Variants in KDM4C observed in about 807,000 individuals in gnomAD.
KDM4C encodes the protein lysine-specific demethylase 4C.
KDM4C carries 81 observed loss-of-function variants against 129.3 expected under a neutral mutation model. The ratio of observed to expected loss-of-function variants is 0.63; its 90% CI spans 0.52 to 0.75. The LOEUF is 0.75. Among genes scored for constraint, KDM4C ranks in the 30% least tolerant of loss-of-function variants. The probability of loss-of-function intolerance (pLI) is 0.00; values close to 1 mark genes in which losing one functional copy is unlikely to be tolerated. For missense variants in KDM4C, 1,457 were observed against 1,304.0 expected, an observed-to-expected ratio of 1.12 and a Z score of -1.81; for synonymous variants, 573 against 456.1, an observed-to-expected ratio of 1.26 and a Z score of -3.26.
At position 7,037,273 on chromosome 9, in the gene KDM4C, G is replaced by A. The variant is rs547991647; in HGVS notation, c.2260-9589G>A. Among the ~76,000 whole-genome samples, 13 of 152,276 alleles carry A rather than the reference G, an allele frequency of 8.5e-5. No homozygotes were observed. The South Asian group carries it at 2.5e-3, about 29-fold the overall frequency. The stretch of plus-strand genomic sequence containing the variant: ...TTATTTTTCTATGACACTGAAAATT[G>A]GCTTTAGTGGCACTTATGGATATGC... On this transcript the variant is annotated intron_variant, in intron 15 of 21. Transcript: ENST00000381309.
intron 18 of KDM4C, 88 bp downstream of exon 18, chr9:7,103,958 T>C: frequency 1.7e-6 from 2 of 1,160,344 alleles, no homozygotes; most frequent in South Asian, 1.4e-5. Context: ...ATGTGCTTTA[T>C]TCTGTAATAT....
intron 1 of KDM4C, among the ~76,000 whole-genome samples, chr9:6,738,338 T>C (rs1817592310): frequency 6.6e-6 from 1 of 151,876 alleles, no homozygotes; most frequent in African/African-American, 2.4e-5. Flanking sequence ...TAGAAGGGCA[T>C]GGTGGCACAT....
intron 19 of KDM4C, among the ~76,000 whole-genome samples, chr9:7,135,605 A>ATGT (rs75516181): frequency 0.23 from 34,189 of 151,930 alleles, 4,140 homozygotes; most frequent in African/African-American, 0.33. Flanking sequence ...GTTCTGAGCT[A>ATGT]TGTGTTGAAC....
intron 1 of KDM4C, among the ~76,000 whole-genome samples, chr9:6,792,652 G>T (rs1475094886): frequency 6.6e-6 from 1 of 152,118 alleles, no homozygotes; most frequent in Admixed American, 6.6e-5. Context: ...CCCCCAAAGT[G>T]CTGAGATTAC....
intron 15 of KDM4C, among the ~76,000 whole-genome samples, chr9:7,019,036 G>T (rs1337568189): frequency 6.6e-6 from 1 of 152,022 alleles, no homozygotes; most frequent in African/African-American, 2.4e-5. Context: ...TGTTTTTTCA[G>T]CGTATCCATT....
intron 4 of KDM4C, among the ~76,000 whole-genome samples, chr9:6,843,034 A>G (rs1027775722): frequency 6.6e-6 from 1 of 152,110 alleles, no homozygotes; most frequent in Non-Finnish European, 1.5e-5. Flanking sequence ...GGTTCAAGTG[A>G]TTCTCGTGCC....
chr9:7,012,427 C>T (rs898154793), intron 13 of KDM4C, among the ~76,000 whole-genome samples: 2 of 152,100 alleles, frequency 1.3e-5, no homozygotes, highest in Non-Finnish European at 2.9e-5. Flanking sequence ...GAACTTAAAG[C>T]TTACAAATAG....
chr9:6,957,606 G>C (rs1366019016), intron 8 of KDM4C, among the ~76,000 whole-genome samples: 2 of 152,190 alleles, frequency 1.3e-5, no homozygotes, highest in Non-Finnish European at 2.9e-5. Context: ...ATCAAACGTG[G>C]AGGCTGCTGT....
At chr9:6,794,609 C>G (rs759389347) in intron 2 of KDM4C, among the ~76,000 whole-genome samples, 3 of 152,146 alleles carry the variant, frequency 2.0e-5, no homozygotes, top group Non-Finnish European at 4.4e-5. Context: ...AGCACCTTGT[C>G]TGGGATAGTT....
chr9:6,883,512 A>G (rs890624491), intron 6 of KDM4C, among the ~76,000 whole-genome samples: 4 of 152,214 alleles, frequency 2.6e-5, no homozygotes, highest in East Asian at 1.9e-4. Context: ...CAGTGATATC[A>G]CTGTCTGTAT....
intron 1 of KDM4C, among the ~76,000 whole-genome samples, chr9:6,730,032 C>T (rs979376043): frequency 2.2e-5 from 2 of 89,186 alleles, no homozygotes; most frequent in Non-Finnish European, 4.1e-5. Flanking sequence ...ATCGCTTGAA[C>T]CCAGGAAATG....
intron 10 of KDM4C, among the ~76,000 whole-genome samples, chr9:6,985,261 C>G (rs1022199311): frequency 6.6e-6 from 1 of 152,204 alleles, no homozygotes; most frequent in Admixed American, 6.5e-5. Context: ...CTACCTTCTT[C>G]TTAGTATTAT....
At chr9:6,790,963 C>T (rs989899405) in intron 1 of KDM4C, among the ~76,000 whole-genome samples, 5 of 152,174 alleles carry the variant, frequency 3.3e-5, no homozygotes, top group African/African-American at 1.2e-4. Flanking sequence ...TTTCTATGCT[C>T]CAGACACATT....
intron 8 of KDM4C, among the ~76,000 whole-genome samples, chr9:6,975,605 A>G (rs1398321318): frequency 1.3e-5 from 2 of 152,062 alleles, no homozygotes; most frequent in African/African-American, 2.4e-5. Flanking sequence ...TTTTTAAGGG[A>G]CTCTTATTCT....
intron 4 of KDM4C, among the ~76,000 whole-genome samples, chr9:6,823,726 C>G (rs1025329335): frequency 6.6e-6 from 1 of 152,198 alleles, no homozygotes; most frequent in African/African-American, 2.4e-5. Flanking sequence ...AGGAATTTCT[C>G]TAGTTTTTCA....
intron 18 of KDM4C, among the ~76,000 whole-genome samples, chr9:7,107,775 T>A (rs190973679): frequency 3.3e-5 from 5 of 152,352 alleles, no homozygotes; most frequent in Non-Finnish European, 5.9e-5. Flanking sequence ...AAACGCTGTA[T>A]TGGTTAATTT....
intron 8 of KDM4C, among the ~76,000 whole-genome samples, chr9:6,913,845 T>C (rs1819792041): frequency 6.6e-6 from 1 of 152,236 alleles, no homozygotes; most frequent in African/African-American, 2.4e-5. Context: ...GAGTTTCTGA[T>C]AGTTTATGCG....
At chr9:6,814,969 A>T in intron 4 of KDM4C, 2 of 365,658 alleles carry the variant, frequency 5.5e-6, no homozygotes, top group Non-Finnish European at 4.9e-6. Flanking sequence ...GTAACATGGT[A>T]TGTGGTTATC....
rs1054706800 is a variant in KDM4C, at chr9:6,925,632, C to T, written c.921+32400C>T. 1.8e-5 allele frequency: 18 copies of T among 985,414 alleles called. No individual in the cohort carries two copies. In the South Asian group the frequency reaches 6.6e-4, roughly 36 times the overall value. The allele number at this position is 985,414 out of a possible 1,614,324, so 61.0% of individuals were successfully genotyped here. A position where few individuals can be genotyped will look rare whatever the true frequency, so the allele number is the denominator to read the frequency against. ...AAAACCGTCTTGGCTTGTTTACCATCAGCCCTTCACCGTTTCAGAAAGATG... is the reference window on the plus strand; with the variant it reads ...AAAACCGTCTTGGCTTGTTTACCATTAGCCCTTCACCGTTTCAGAAAGATG... On this transcript the variant is annotated intron_variant, in intron 8 of 21. Coordinates refer to ENST00000381309, the MANE Select transcript of KDM4C (RefSeq NM_015061.6).
Sources: allele counts gnomAD v4.1 joint callset (sites outside exome capture counted in the v4.1 genomes callset), GRCh38; gene constraint gnomAD v4.1.1; transcripts MANE v1.5; gene names NCBI Gene and HGNC (gene_info 2026-07-23, HGNC 2026-07-21).